The following HDAC6 variants were observed in gnomAD, a reference collection of about 807,000 sequenced individuals.
The protein encoded by HDAC6 is histone deacetylase 6, also known as protein deacetylase HDAC6.
HDAC6 carries 5 observed loss-of-function variants against 88.9 expected under a neutral mutation model. The ratio of observed to expected loss-of-function variants is 0.06; its 90% confidence interval spans 0.03 to 0.12. HDAC6 has a LOEUF of 0.12. Ranked by LOEUF, HDAC6 falls within the 10% of genes least tolerant of loss-of-function variation. The pLI, the probability that HDAC6 is intolerant of heterozygous loss-of-function variation, is 1.00. For synonymous variants in HDAC6, 378 were observed against 398.0 expected, an observed-to-expected ratio of 0.95 and a Z score of 0.60; for missense variants, 706 against 1,014.4, an observed-to-expected ratio of 0.70 and a Z score of 4.13.
chrX:48,806,121 C>T (rs2062813915), intron 6 of HDAC6: 1 of 374,238 alleles, frequency 2.7e-6, no homozygotes, highest in African/African-American at 2.5e-5. Flanking sequence ...AAGGGAAGAA[C>T]AGACAGCTGA....
chrX:48,812,260 A>G (rs1168000314), intron 10 of HDAC6, among the ~76,000 whole-genome samples: 1 of 112,658 alleles, frequency 8.9e-6, no homozygotes, highest in Non-Finnish European at 1.9e-5. Flanking sequence ...GTAAACAAAC[A>G]AACAAAAAGA....
At chrX:48,814,049 T>A (rs1292795755) in intron 10 of HDAC6, 1 of 162,204 alleles carries the variant, frequency 6.2e-6, no homozygotes, top group Non-Finnish European at 1.2e-5. Context: ...GGACATGATC[T>A]AGAGTACCCC....
At chrX:48,806,529 C>T in intron 7 of HDAC6, 65 bp downstream of exon 7, 1 of 1,069,288 alleles carries the variant, frequency 9.4e-7, no homozygotes, top group Non-Finnish European at 1.3e-6. Flanking sequence ...CCTATGCCCA[C>T]CCCACCCTGG....
Position 48,802,678 on chromosome X carries a change from C to T in HDAC6, c.-15C>T. 8.3e-7 allele frequency: 1 copy of T among 1,199,052 alleles called. No individual in the cohort carries two copies. On this transcript the variant is annotated 5_prime_UTR_variant, in exon 2 of 29. Transcript: ENST00000334136. ...CCACCCCCAGAACCGCGGCAGGGGC[C>T]AAGCCTCCTCAACTATGACCTCAAC...
At position 48,823,141 on chromosome X, in the gene HDAC6, C is replaced by T. The variant is rs1557030707; in HGVS notation, c.2742C>T (p.Ala914=). The T allele has an allele frequency of 5.8e-6, 7 of 1,207,654 alleles. No homozygotes were observed. In the East Asian group the frequency reaches 2.1e-4, roughly 36 times the overall value. The change falls in exon 25 of 29, where the codon GCC becomes GCT. Residue 914 remains alanine, a synonymous_variant. Coordinates refer to ENST00000334136, the MANE Select transcript of HDAC6 (RefSeq NM_006044.4). ...ALTQDQPSEA[A]TGGATLAQTI... The stretch of plus-strand genomic sequence containing the variant: ...CTCAGGACCAGCCCTCAGAGGCAGC[C>T]ACAGGGGGAGCCACTCTGGCCCAGA...
intron 23 of HDAC6, among the ~76,000 whole-genome samples, chrX:48,820,491 G>A (rs1015632836): frequency 1.1e-5 from 1 of 94,343 alleles, no homozygotes; most frequent in Non-Finnish European, 2.1e-5. Context: ...ACTTGGCAAA[G>A]CAGCCTTATG....
chrX:48,817,494 C>T (rs782583391), intron 20 of HDAC6, 35 bp downstream of exon 20: 1 of 1,174,179 alleles, frequency 8.5e-7, no homozygotes, highest in South Asian at 1.9e-5. Context: ...AAATCCTGAT[C>T]CTTGTGGGGA....
chrX:48,818,188 C>T (rs1557028337), intron 21 of HDAC6, 32 bp from the exon 22 acceptor site: 1 of 1,172,047 alleles, frequency 8.5e-7, no homozygotes. Flanking sequence ...CCCTAACCAG[C>T]CATGGTCCGC....
chrX:48,802,034 G>A, upstream of HDAC6: 2 of 936,155 alleles, frequency 2.1e-6, 1 homozygote, highest in Admixed American at 7.0e-5. Flanking sequence ...TTAGCGAAAC[G>A]TTAGCGGTCG....
At chrX:48,811,774 C>T (rs1178975986) in intron 10 of HDAC6, among the ~76,000 whole-genome samples, 1 of 111,938 alleles carries the variant, frequency 8.9e-6, no homozygotes, top group Non-Finnish European at 1.9e-5. Context: ...GTTTTTAATA[C>T]TTCATTAATT....
At chrX:48,805,589 G>A in intron 5 of HDAC6, 42 bp from the exon 6 acceptor site, 1 of 1,186,059 alleles carries the variant, frequency 8.4e-7, no homozygotes, top group Admixed American at 2.3e-5. Context: ...TGCAGCCCAT[G>A]CCTTAACCCT....
intron 8 of HDAC6, chrX:48,807,046 C>T: frequency 7.0e-6 from 1 of 142,705 alleles, no homozygotes; most frequent in Non-Finnish European, 1.4e-5. Context: ...ATTCCATTGG[C>T]AGTATTTTCT....
rs1557027532 is a variant in HDAC6 at position 48,816,133 on chromosome X, A to G, written c.1494-8A>G. ...CTAAGCCTCTACCTCTCGTTTCCCCACTGCTAGCCACCACCCTGAGGTACC... is the reference window on the plus strand; with the variant it reads ...CTAAGCCTCTACCTCTCGTTTCCCCGCTGCTAGCCACCACCCTGAGGTACC... On this transcript the variant is annotated splice_region_variant and splice_polypyrimidine_tract_variant and intron_variant, in intron 17 of 28. Coordinates refer to ENST00000334136, the MANE Select transcript of HDAC6 (RefSeq NM_006044.4). The G allele has an allele frequency of 8.3e-7, 1 of 1,210,786 alleles. No homozygotes were observed. Among genetic ancestry groups the G allele is most frequent in the Non-Finnish European group, 1.1e-6 (1 of 895,155 alleles).
Position 48,823,308 on chromosome X carries a change from C to G in HDAC6, c.2909C>G (p.Ala970Gly). The change falls in exon 25 of 29, where the codon GCT becomes GGT. Residue 970 changes from alanine to glycine, a missense_variant. By Grantham distance (60) the Ala-to-Gly change is moderately conservative (BLOSUM62 0). Coordinates refer to ENST00000334136, the MANE Select transcript of HDAC6 (RefSeq NM_006044.4). ...CTGGACCAGACCACCTCAGAGGATG[C>G]TGTTGGGGGAGCCACGCTGGGCCAG... ...AILDQTTSED[A>G]VGGATLGQTT... is the part of the protein sequence containing the mutation. The G allele has an allele frequency of 8.3e-7, 1 of 1,202,198 alleles. No individual in the cohort carries two copies. Among genetic ancestry groups the G allele is most frequent in the East Asian group, 3.0e-5 (1 of 33,540 alleles).
At chrX:48,805,774 C>G in intron 6 of HDAC6, 103 bp downstream of exon 6, 1 of 681,009 alleles carries the variant, frequency 1.5e-6, no homozygotes, top group Non-Finnish European at 2.3e-6. Flanking sequence ...CTGCAGCCAG[C>G]CTTGGGCAAG....
At chrX:48,805,953 T>A (rs2062810555) in intron 6 of HDAC6, 3 of 413,722 alleles carry the variant, frequency 7.3e-6, no homozygotes, top group Non-Finnish European at 1.3e-5. Context: ...GAATAGATGG[T>A]GGATGTGTGG....
chrX:48,808,179 G>T, intron 9 of HDAC6, 42 bp downstream of exon 9: 6 of 1,138,425 alleles, frequency 5.3e-6, no homozygotes, highest in Non-Finnish European at 7.2e-6. Context: ...GGCATGGGGT[G>T]GGGTGTCCTG....
chrX:48,823,517 A>T lies in HDAC6; in HGVS notation c.3118A>T (p.Thr1040Ser). Residue 1040 changes from threonine (T) to serine (S), a missense_variant, in exon 25 of 29, where the codon ACT (threonine) becomes TCT (serine). By Grantham distance (58) the Thr-to-Ser change is moderately conservative. Transcript: ENST00000334136. ...QTPPTSPVQG[T>S]TPQISPSTLI... is the part of the protein sequence containing the mutation. ...CCCCCCAACCTCACCTGTGCAGGGAACTACACCCCAGATATCTCCCAGTAC... is the reference window on the plus strand; with the variant it reads ...CCCCCCAACCTCACCTGTGCAGGGATCTACACCCCAGATATCTCCCAGTAC... 8.3e-7 allele frequency: 1 copy of T among 1,210,258 alleles called. No individual in the cohort carries two copies. Among genetic ancestry groups the T allele is most frequent in the Non-Finnish European group, 1.1e-6 (1 of 894,709 alleles).
intron 24 of HDAC6, 27 bp from the exon 25 acceptor site, chrX:48,822,885 C>T (rs782645601): frequency 1.7e-6 from 2 of 1,163,377 alleles, no homozygotes; most frequent in Non-Finnish European, 2.3e-6. Flanking sequence ...AGTACCCACA[C>T]TCAAGGATCT....
Sources: allele counts gnomAD v4.1 joint callset (sites outside exome capture counted in the v4.1 genomes callset), GRCh38; gene constraint gnomAD v4.1.1; transcripts MANE v1.5; gene names NCBI Gene and HGNC (gene_info 2026-07-23, HGNC 2026-07-21).